Variants in IPO7 observed in about 807,000 individuals in gnomAD.
IPO7 encodes the protein importin 7.
A neutral mutation model predicts 136.4 loss-of-function variants in IPO7; 13 were observed. The observed-to-expected ratio is 0.10, with a 90% CI of 0.06 to 0.15. The LOEUF (loss-of-function observed/expected upper bound fraction) is 0.15, where lower values mean the gene tolerates loss of function less well. Among genes scored for constraint, IPO7 ranks in the 10% least tolerant of loss-of-function variants. IPO7 has a pLI of 1.00. For missense variants in IPO7, 857 were observed against 1,240.6 expected, an observed-to-expected ratio of 0.69 and a Z score of 4.65; for synonymous variants, 403 against 404.4, an observed-to-expected ratio of 1.00 and a Z score of 0.04.
chr11:9,398,606 T>C (rs1854748545), intron 1 of IPO7, among the ~76,000 whole-genome samples: 1 of 152,252 alleles, frequency 6.6e-6, no homozygotes, highest in African/African-American at 2.4e-5. Context: ...TTTTAATTGA[T>C]ACATGATAAT....
At chr11:9,395,440 C>T (rs1416574659) in intron 1 of IPO7, among the ~76,000 whole-genome samples, 1 of 151,900 alleles carries the variant, frequency 6.6e-6, no homozygotes, top group African/African-American at 2.4e-5. Flanking sequence ...GGGGTTTCAC[C>T]ATGTTGGCCA....
rs1855186988 is a variant in IPO7, at chr11:9,425,240, C to G, written c.1313C>G (p.Ser438Cys). The G allele has an allele frequency of 6.3e-7, 1 of 1,599,358 alleles. No individual in the cohort carries two copies. The highest frequency in any genetic ancestry group is 1.7e-5 in the Admixed American group (1 of 59,982). ...KKDGALHMIG[S>C]LAEILLKKKI... Reference sequence around the variant, plus strand: ...GATGGAGCCCTGCATATGATTGGCTCTTTAGCTGAAATACTTCTGAAGGTA... The same window carrying G: ...GATGGAGCCCTGCATATGATTGGCTGTTTAGCTGAAATACTTCTGAAGGTA... Residue 438 changes from serine (S) to cysteine (C), a missense_variant, in exon 12 of 25, where the codon TCT becomes TGT. Physicochemically the swap from Ser to Cys is moderately radical, Grantham distance 112 (BLOSUM62 -1). Coordinates refer to ENST00000379719, the MANE Select transcript of IPO7 (RefSeq NM_006391.3).
chr11:9,393,977 G>A (rs892638849), intron 1 of IPO7, among the ~76,000 whole-genome samples: 6 of 151,970 alleles, frequency 3.9e-5, no homozygotes, highest in African/African-American at 1.4e-4. Flanking sequence ...CTGCCTCCCA[G>A]GTTCAAGTGA....
chr11:9,410,416 G>A (rs1389419670), intron 4 of IPO7, among the ~76,000 whole-genome samples: 1 of 152,120 alleles, frequency 6.6e-6, no homozygotes, highest in East Asian at 1.9e-4. Context: ...AAGGTGATCA[G>A]AATACATTGA....
At chr11:9,398,127 A>T (rs1388503404) in intron 1 of IPO7, among the ~76,000 whole-genome samples, 4 of 152,140 alleles carry the variant, frequency 2.6e-5, no homozygotes, top group Non-Finnish European at 5.9e-5. Context: ...CCTTAAATAT[A>T]AAAACCTTTC....
At chr11:9,424,356 A>G (rs948421033) in intron 10 of IPO7, among the ~76,000 whole-genome samples, 3 of 152,236 alleles carry the variant, frequency 2.0e-5, no homozygotes, top group Non-Finnish European at 4.4e-5. Flanking sequence ...AAATTCTCAC[A>G]TCAGTAGTGT....
In IPO7 at chr11:9,408,505, T is replaced by C. The variant is rs760296707; in HGVS notation, c.186T>C (p.Asn62=). 15 of 1,568,796 alleles carry C rather than the reference T, an allele frequency of 9.6e-6. No individual in the cohort carries two copies. The highest frequency in any genetic ancestry group is 8.6e-7 in the Non-Finnish European group (1 of 1,161,692). Residue 62 remains asparagine, a synonymous_variant, in exon 3 of 25, where the codon AAT becomes AAC. Coordinates refer to ENST00000379719, the MANE Select transcript of IPO7 (RefSeq NM_006391.3). The part of the protein sequence containing the change: ...VRQAGVIYLK[N]MITQYWPDRE... ...TTTTAGGTGTTATCTATCTGAAAAA[T>C]ATGATAACACAGTATTGGCCTGATC... is the stretch of plus-strand genomic sequence containing the variant.
At chr11:9,397,341 A>AAAATATATATATATATAT in intron 1 of IPO7, among the ~76,000 whole-genome samples, 2 of 10,760 alleles carry the variant, frequency 1.9e-4, no homozygotes, top group African/African-American at 2.5e-4. Flanking sequence ...TTTAAAAAAA[A>AAAATATATATATATATAT]ATATATATAT....
chr11:9,425,032 A>C (rs1166765946), intron 11 of IPO7, 42 bp downstream of exon 11: 1 of 1,395,406 alleles, frequency 7.2e-7, no homozygotes, highest in Non-Finnish European at 1.0e-6. Context: ...TGTATTATTT[A>C]AAATTTATTC....
In IPO7 at chr11:9,445,378, A is replaced by AT; in HGVS notation, c.*188dup. The AT allele has an allele frequency of 1.2e-5, 1 of 80,214 alleles. No individual in the cohort carries two copies. Among genetic ancestry groups the AT allele is most frequent in the East Asian group, 2.3e-4 (1 of 4,400 alleles). 5.0% of individuals were successfully genotyped at this position (80,214 alleles called of 1,614,324 possible). A position where few individuals can be genotyped will look rare whatever the true frequency, so the allele number is the denominator to read the frequency against. On this transcript the variant is annotated 3_prime_UTR_variant, in exon 25 of 25. Coordinates refer to ENST00000379719, the MANE Select transcript of IPO7 (RefSeq NM_006391.3). ...TGGCACTGGAAAAGAAATCAGCGGG[A>AT]TTTTGGGGGTGGGGGGGGATGGGAG... is the stretch of plus-strand genomic sequence containing the variant.
At chr11:9,404,829 G>C (rs1423290413) in intron 2 of IPO7, among the ~76,000 whole-genome samples, 1 of 152,126 alleles carries the variant, frequency 6.6e-6, no homozygotes, top group Non-Finnish European at 1.5e-5. Flanking sequence ...GCCTCCCAAA[G>C]TGCTGGGATT....
chr11:9,425,294 T>TC, intron 12 of IPO7, 32 bp downstream of exon 12: 4 of 1,217,608 alleles, frequency 3.3e-6, no homozygotes, highest in Non-Finnish European at 4.9e-6. Flanking sequence ...TGTGCATGAC[T>TC]ATGCAAGTAG....
intron 1 of IPO7, among the ~76,000 whole-genome samples, chr11:9,394,244 G>A (rs1854678721): frequency 6.6e-6 from 1 of 152,154 alleles, no homozygotes; most frequent in Non-Finnish European, 1.5e-5. Context: ...TGATTACAGT[G>A]TTAGTGAGTG....
At position 9,420,707 on chromosome 11, in the gene IPO7, GT is replaced by G. The variant is rs1564998833; in HGVS notation, c.906+14del. 4 of 1,579,436 alleles carry G rather than the reference GT, an allele frequency of 2.5e-6. No individual in the cohort carries two copies. The highest frequency in any genetic ancestry group is 3.5e-6 in the Non-Finnish European group (4 of 1,150,234). ...CTGTTGGTGTCCAGCAAGTAAGTCT[GT>G]TTTTAGTTTTTCTCAGTGGAAACAT... On this transcript the variant is annotated intron_variant, in intron 8 of 24. Coordinates refer to ENST00000379719, the MANE Select transcript of IPO7 (RefSeq NM_006391.3).
chr11:9,385,066 G>T (rs1342294606), intron 1 of IPO7, among the ~76,000 whole-genome samples: 2 of 152,166 alleles, frequency 1.3e-5, no homozygotes, highest in Non-Finnish European at 2.9e-5. Context: ...TCCTGAGCTG[G>T]GCCTCTGGCT....
chr11:9,411,860 C>T (rs1854972509), intron 4 of IPO7, among the ~76,000 whole-genome samples: 2 of 152,078 alleles, frequency 1.3e-5, no homozygotes, highest in Non-Finnish European at 2.9e-5. Flanking sequence ...CACTCAACTC[C>T]CAGTCCACTA....
chr11:9,389,064 G>T (rs957874729), intron 1 of IPO7, among the ~76,000 whole-genome samples: 2 of 150,954 alleles, frequency 1.3e-5, no homozygotes, highest in African/African-American at 2.4e-5. Context: ...ATTATTATTA[G>T]TATTTTTGTG....
At chr11:9,401,279 G>T (rs1462147710) in intron 1 of IPO7, among the ~76,000 whole-genome samples, 1 of 152,126 alleles carries the variant, frequency 6.6e-6, no homozygotes, top group Non-Finnish European at 1.5e-5. Flanking sequence ...AGTATAAGTG[G>T]TGGTTATATT....
intron 24 of IPO7, among the ~76,000 whole-genome samples, chr11:9,444,836 CAAAAAAAAAAA>C (rs1044435694): frequency 3.0e-4 from 21 of 71,164 alleles, no homozygotes; most frequent in African/African-American, 8.8e-4. Flanking sequence ...GACTCTGTCT[CAAAAAAAAAAA>C]AAAAAAAAGA....
Sources: gnomAD v4.1 joint callset for allele counts (sites outside exome capture counted in the v4.1 genomes callset) on GRCh38, gnomAD v4.1.1 for gene constraint, MANE v1.5 for transcripts, NCBI Gene and HGNC (gene_info 2026-07-23, HGNC 2026-07-21) for gene names.